The following PCDHGB2 variants were observed in gnomAD, a reference collection of about 807,000 sequenced individuals.
PCDHGB2 encodes protocadherin gamma-B2.
Under a neutral mutation model 59.3 loss-of-function variants are expected in PCDHGB2, and 55 were observed. The ratio of observed to expected loss-of-function variants is 0.93; its 90% CI spans 0.75 to 1.16. The LOEUF (loss-of-function observed/expected upper bound fraction) is 1.16, where lower values mean the gene tolerates loss of function less well. PCDHGB2 is among the 50% of genes most tolerant of loss of function. The probability of loss-of-function intolerance (pLI) is 0.00; values close to 1 mark genes in which losing one functional copy is unlikely to be tolerated. For synonymous variants in PCDHGB2, 516 were observed against 512.0 expected (o/e 1.01, Z -0.11); for missense variants, 1,228 against 1,198.5 (o/e 1.02, Z -0.36).
chr5:141,362,633 T>G (rs1561527667), intron 1 of PCDHGB2, 77 bp downstream of exon 1: 1 of 1,490,046 alleles, frequency 6.7e-7, no homozygotes, highest in Non-Finnish European at 9.0e-7. Flanking sequence ...CACTGCGTAT[T>G]TCTTTGTCTG....
chr5:141,394,329 T>C (rs769172287), intron 1 of PCDHGB2: 6 of 1,613,980 alleles, frequency 3.7e-6, no homozygotes, highest in Non-Finnish European at 5.1e-6. Context: ...CTCGTATATC[T>C]CCATCAACTC....
intron 1 of PCDHGB2, chr5:141,399,930 C>G (rs1168427748): frequency 6.2e-7 from 1 of 1,612,208 alleles, no homozygotes. Context: ...CCTGGCTGTC[C>G]TACCACGTGC....
At position 141,431,580 on chromosome 5, in the gene PCDHGB2, A is replaced by G. The variant is rs777990962; in HGVS notation, c.2422-63227A>G. ...GCTACCGACCCTGACGAAGGAGTCA[A>G]TGCGGAAGTGAGGTATTCCTTCCGG... On this transcript the variant is annotated intron_variant, in intron 1 of 3. Coordinates refer to ENST00000522605, the MANE Select transcript of PCDHGB2 (RefSeq NM_018923.3). The surrounding 1 kb of genome is among the most constrained non-coding windows in gnomAD (Gnocchi z 4.8). 1.2e-5 allele frequency: 19 copies of G among 1,614,098 alleles called. No homozygotes were observed. Among genetic ancestry groups the G allele is most frequent in the Non-Finnish European group, 1.5e-5 (18 of 1,180,040 alleles).
intron 1 of PCDHGB2, chr5:141,374,540 C>G: frequency 6.2e-7 from 1 of 1,613,264 alleles, no homozygotes; most frequent in Non-Finnish European, 8.5e-7. Context: ...CTCTCGTTTT[C>G]CACTAATGGA....
intron 1 of PCDHGB2, chr5:141,374,039 G>T (rs187674758): frequency 5.9e-5 from 86 of 1,456,944 alleles, no homozygotes; most frequent in Middle Eastern, 2.5e-4. Context: ...ATGCAGATCT[G>T]TTCTTCCTCT....
chr5:141,422,253 T>C (rs917280432), intron 1 of PCDHGB2: 58 of 1,566,438 alleles, frequency 3.7e-5, no homozygotes, highest in Non-Finnish European at 5.0e-5. Context: ...TGGATGTGAA[T>C]GATAACGCTC....
chr5:141,463,424 CT>C (rs2099058999), intron 1 of PCDHGB2, among the ~76,000 whole-genome samples: 1 of 148,698 alleles, frequency 6.7e-6, no homozygotes, highest in Non-Finnish European at 1.5e-5. Flanking sequence ...TTTGCGGATC[CT>C]CATTTCCTTC....
chr5:141,400,590 T>A, intron 1 of PCDHGB2: 3 of 1,604,846 alleles, frequency 1.9e-6, no homozygotes, highest in Non-Finnish European at 2.6e-6. Context: ...CATGAAACTA[T>A]CGTACATTTT....
intron 1 of PCDHGB2, chr5:141,394,736 C>A: frequency 6.2e-7 from 1 of 1,613,456 alleles, no homozygotes; most frequent in Non-Finnish European, 8.5e-7. Flanking sequence ...TCAAGCAGAG[C>A]CTCGTGGTGG....
chr5:141,482,981 AGG>A (rs2099575420), intron 1 of PCDHGB2, among the ~76,000 whole-genome samples: 1 of 150,250 alleles, frequency 6.7e-6, no homozygotes, highest in African/African-American at 2.5e-5. Context: ...GCTACTTGAG[AGG>A]TCGAGGCAGG....
At chr5:141,384,879 C>T (rs771003299) in intron 1 of PCDHGB2, 1 of 1,613,874 alleles carries the variant, frequency 6.2e-7, no homozygotes, top group Middle Eastern at 1.6e-4. Context: ...CCGTCACACT[C>T]ACCGTGGCTG....
chr5:141,465,546 T>C (rs572856697), intron 1 of PCDHGB2, among the ~76,000 whole-genome samples: 1 of 152,338 alleles, frequency 6.6e-6, no homozygotes, highest in South Asian at 2.1e-4. Context: ...GCATTTTTTC[T>C]GCTGAAGCTT....
rs748605515 is a variant in PCDHGB2 at position 141,486,688 on chromosome 5, C to T, written c.2422-8119C>T. ...CCAGGAATCGAGATGTATCAGCTTC[C>T]TCTTTCATCTCTCTGAACCCCCAGA... On this transcript the variant is annotated intron_variant, in intron 1 of 3. Transcript: ENST00000522605. The surrounding 1 kb of genome is among the most constrained non-coding windows in gnomAD (Gnocchi z 5.0). 2 of 1,614,170 alleles carry T rather than the reference C, an allele frequency of 1.2e-6. No individual in the cohort carries two copies. The highest frequency in any genetic ancestry group is 1.1e-5 in the South Asian group (1 of 91,086).
intron 1 of PCDHGB2, chr5:141,394,385 G>C: frequency 6.2e-7 from 1 of 1,614,206 alleles, no homozygotes. Context: ...ACTATGAGCA[G>C]ATCCGAGACC....
rs1426305491 is a variant in PCDHGB2 at position 141,489,758 on chromosome 5, G to A, written c.2422-5049G>A. 1 of 1,614,084 alleles carries A rather than the reference G, an allele frequency of 6.2e-7. No homozygotes were observed. The highest frequency in any genetic ancestry group is 1.7e-5 in the Admixed American group (1 of 60,020). On this transcript the variant is annotated intron_variant, in intron 1 of 3. Coordinates refer to ENST00000522605, the MANE Select transcript of PCDHGB2 (RefSeq NM_018923.3). The surrounding 1 kb of genome is among the most constrained non-coding windows in gnomAD (Gnocchi z 4.5). ...AATACTGTGAGCTTTTACACTCTAAGCCCCAACAGCCACTTCTCTCTGAAT... is the reference window on the plus strand; with the variant it reads ...AATACTGTGAGCTTTTACACTCTAAACCCCAACAGCCACTTCTCTCTGAAT...
Position 141,487,893 on chromosome 5 carries a change from G to A in PCDHGB2, c.2422-6914G>A. Reference sequence around the variant, plus strand: ...AGCCAGGCTGTTGTGGAAGCATGATGATGGAATGTGGGAGCACAGGAGGCT... The same window carrying A: ...AGCCAGGCTGTTGTGGAAGCATGATAATGGAATGTGGGAGCACAGGAGGCT... On this transcript the variant is annotated intron_variant, in intron 1 of 3. Coordinates refer to ENST00000522605, the MANE Select transcript of PCDHGB2 (RefSeq NM_018923.3). The surrounding 1 kb of genome is among the most constrained non-coding windows in gnomAD (Gnocchi z 5.0). The A allele has an allele frequency of 1.4e-6, 1 of 731,472 alleles. No individual in the cohort carries two copies. The highest frequency in any genetic ancestry group is 2.2e-6 in the Non-Finnish European group (1 of 450,166). 45.3% of individuals were successfully genotyped at this position (731,472 alleles called of 1,614,324 possible). A position where few individuals can be genotyped will look rare whatever the true frequency, so the allele number is the denominator to read the frequency against.
intron 1 of PCDHGB2, chr5:141,441,477 C>T (rs529495102): frequency 1.2e-4 from 20 of 170,782 alleles, no homozygotes; most frequent in Middle Eastern, 5.7e-4. Context: ...ATGCCAACGA[C>T]AATGCTCTGG....
At chr5:141,402,870 C>G in intron 1 of PCDHGB2, 1 of 1,449,300 alleles carries the variant, frequency 6.9e-7, no homozygotes, top group Non-Finnish European at 9.1e-7. Flanking sequence ...AAAAGATCAC[C>G]ATACTTTGCA....
intron 2 of PCDHGB2, among the ~76,000 whole-genome samples, chr5:141,504,506 A>T (rs575756846): frequency 1.3e-5 from 2 of 152,096 alleles, no homozygotes; most frequent in African/African-American, 4.8e-5. Context: ...GTCTGAGTGG[A>T]TCTCCTCTGA....
Sources: gnomAD v4.1 joint callset for allele counts (sites outside exome capture counted in the v4.1 genomes callset) on GRCh38, gnomAD v4.1.1 for gene constraint, Gnocchi (gnomAD v3.1) non-coding constraint, MANE v1.5 for transcripts, NCBI Gene and HGNC (gene_info 2026-07-23, HGNC 2026-07-21) for gene names.